The following RGS7 variants were observed in gnomAD, a reference collection of about 807,000 sequenced individuals.
RGS7 encodes regulator of G-protein signaling 7.
RGS7 carries 27 observed loss-of-function variants against 81.1 expected under a neutral mutation model. That is an observed-to-expected ratio of 0.33 (90% confidence interval 0.25 to 0.46). RGS7 has a LOEUF of 0.46. Ranked by LOEUF, RGS7 falls within the 20% of genes least tolerant of loss-of-function variation. The pLI is 1.00. For synonymous variants in RGS7, 208 were observed against 207.7 expected, an observed-to-expected ratio of 1.00 and a Z score of -0.01; for missense variants, 396 against 607.4, an observed-to-expected ratio of 0.65 and a Z score of 3.66.
At chr1:240,793,516 G>A (rs1686369779) in intron 18 of RGS7, among the ~76,000 whole-genome samples, 2 of 149,286 alleles carry the variant, frequency 1.3e-5, no homozygotes, top group East Asian at 2.0e-4. Context: ...TCATATGCTT[G>A]CTGGTAATAT....
At chr1:240,844,129 TCTTTACC>T (rs1471372168) in intron 9 of RGS7, among the ~76,000 whole-genome samples, 1 of 152,168 alleles carries the variant, frequency 6.6e-6, no homozygotes, top group Non-Finnish European at 1.5e-5. Flanking sequence ...TCCCATAGAC[TCTTTACC>T]CAGGTTCTCC....
At chr1:241,347,311 C>T (rs1016501790) in intron 2 of RGS7, among the ~76,000 whole-genome samples, 10 of 152,214 alleles carry the variant, frequency 6.6e-5, no homozygotes, top group Admixed American at 1.3e-4. Flanking sequence ...GACACTTGCC[C>T]AAGCTTGCAT....
chr1:241,151,450 G>A (rs1013171002), intron 2 of RGS7, among the ~76,000 whole-genome samples: 1 of 152,050 alleles, frequency 6.6e-6, no homozygotes, highest in Non-Finnish European at 1.5e-5. Context: ...TGCATGCAGC[G>A]GGTGAAGGGC....
At chr1:241,316,104 C>T (rs558251332) in intron 2 of RGS7, among the ~76,000 whole-genome samples, 2 of 152,294 alleles carry the variant, frequency 1.3e-5, no homozygotes, top group South Asian at 2.1e-4. Flanking sequence ...CTTCCCCACA[C>T]ATCAAGCAAG....
chr1:241,023,328 C>T (rs1240845302), intron 3 of RGS7, among the ~76,000 whole-genome samples: 2 of 152,150 alleles, frequency 1.3e-5, no homozygotes, highest in African/African-American at 4.8e-5. Flanking sequence ...TCTCTCTGCT[C>T]CTTTAGGTGT....
At chr1:240,921,971 G>T (rs1048339196) in intron 6 of RGS7, among the ~76,000 whole-genome samples, 1 of 151,978 alleles carries the variant, frequency 6.6e-6, no homozygotes, top group Non-Finnish European at 1.5e-5. Context: ...ATGACAGAGA[G>T]TTGACACTAC....
rs546083740 is a variant in RGS7, at chr1:241,317,670, T to C, written c.78+38029A>G. The stretch of plus-strand genomic sequence containing the variant: ...GGAGGAAAGATCATCAGTGGTTATC[T>C]GCACATCAAAAGTATGCACCCTTTG... On this transcript the variant is annotated intron_variant, in intron 2 of 18. Transcript: ENST00000440928. Among the ~76,000 whole-genome samples, 2 of 152,300 alleles carry C rather than the reference T, an allele frequency of 1.3e-5. 1 individual carries two copies. The highest frequency in any genetic ancestry group is 4.1e-4 in the South Asian group (2 of 4,828).
intron 2 of RGS7, among the ~76,000 whole-genome samples, chr1:241,117,109 C>T (rs139111664): frequency 5.3e-4 from 80 of 152,160 alleles, no homozygotes; most frequent in East Asian, 4.2e-3. Flanking sequence ...AAAAAAAACA[C>T]GGCAAAAATG....
intron 3 of RGS7, among the ~76,000 whole-genome samples, chr1:241,061,119 C>T (rs751564124): frequency 5.9e-5 from 9 of 152,114 alleles, no homozygotes; most frequent in Non-Finnish European, 1.5e-5. Flanking sequence ...AAGAAGTTTC[C>T]CCTAGAAAAG....
intron 2 of RGS7, among the ~76,000 whole-genome samples, chr1:241,256,687 G>A (rs1573380010): frequency 1.3e-5 from 2 of 152,028 alleles, no homozygotes; most frequent in African/African-American, 4.8e-5. Flanking sequence ...GTCTTCACGT[G>A]GTGGAGAGCA....
chr1:240,863,087 T>C (rs1662537441), intron 9 of RGS7, among the ~76,000 whole-genome samples: 1 of 152,150 alleles, frequency 6.6e-6, no homozygotes, highest in African/African-American at 2.4e-5. Flanking sequence ...CCTGAGTAGC[T>C]AGGATTATAG....
chr1:241,198,498 T>G (rs2073249355), intron 2 of RGS7, among the ~76,000 whole-genome samples: 1 of 152,100 alleles, frequency 6.6e-6, no homozygotes, highest in South Asian at 2.1e-4. Context: ...ACAATGAGAT[T>G]ATTACAGCTC....
chr1:240,908,116 C>A (rs1671127288), intron 6 of RGS7, among the ~76,000 whole-genome samples: 1 of 148,338 alleles, frequency 6.7e-6, no homozygotes, highest in African/African-American at 2.5e-5. Context: ...CCAAACACCA[C>A]ATGTTCTCAC....
Position 240,806,165 on chromosome 1 carries a change from C to A in RGS7, c.1244G>T (p.Gly415Val), listed in dbSNP as rs1463366057. Residue 415 changes from glycine (G) to valine (V), a missense_variant, in exon 15 of 19, where the codon GGA becomes GTA. Transcript: ENST00000440928. ...CTGAGCATCTTCAAATGTGTATCGT[C>A]CAGGTTCCTTCACGTTCTGTGTGGT... Reference protein sequence around the residue: ...DKTTQNVKEPGRYTFEDAQEH... With the variant: ...DKTTQNVKEPVRYTFEDAQEH... 6.2e-7 allele frequency: 1 copy of A among 1,613,948 alleles called. No individual in the cohort carries two copies. Among genetic ancestry groups the A allele is most frequent in the African/African-American group, 1.3e-5 (1 of 75,024 alleles).
At chr1:241,013,166 G>A (rs561629854) in intron 3 of RGS7, among the ~76,000 whole-genome samples, 5 of 147,406 alleles carry the variant, frequency 3.4e-5, no homozygotes, top group East Asian at 2.1e-4. Flanking sequence ...GGGTTCAAGC[G>A]ATTCTCGTGC....
chr1:241,278,047 C>A (rs1042006692), intron 2 of RGS7, among the ~76,000 whole-genome samples: 1 of 152,186 alleles, frequency 6.6e-6, no homozygotes. Context: ...CTTTGTTTTG[C>A]CCGCTGTTCT....
At chr1:241,314,989 G>T (rs1254701770) in intron 2 of RGS7, among the ~76,000 whole-genome samples, 1 of 151,724 alleles carries the variant, frequency 6.6e-6, no homozygotes, top group Non-Finnish European at 1.5e-5. Flanking sequence ...TAAAGTTAGA[G>T]CCCGGGGAAC....
At chr1:241,303,037 G>C (rs1321467655) in intron 2 of RGS7, among the ~76,000 whole-genome samples, 1 of 145,524 alleles carries the variant, frequency 6.9e-6, no homozygotes, top group East Asian at 1.9e-4. Context: ...CATGAAGGGA[G>C]TGTATACACC....
chr1:241,156,181 T>C (rs748273587), intron 2 of RGS7, among the ~76,000 whole-genome samples: 13 of 146,912 alleles, frequency 8.8e-5, no homozygotes, highest in Non-Finnish European at 1.6e-4. Context: ...TACATATACA[T>C]AGACAGACAG....
Sources: gnomAD v4.1 joint callset for allele counts (sites outside exome capture counted in the v4.1 genomes callset) on GRCh38, gnomAD v4.1.1 for gene constraint, MANE v1.5 for transcripts, NCBI Gene and HGNC (gene_info 2026-07-23, HGNC 2026-07-21) for gene names.